Variants in SULT1C4 observed in about 807,000 individuals in gnomAD.
SULT1C4 encodes sulfotransferase 1C4.
In SULT1C4, 32 loss-of-function variants were observed where a neutral mutation model predicts 34.8. That is an observed-to-expected ratio of 0.92 (90% CI 0.69 to 1.23). The LOEUF (loss-of-function observed/expected upper bound fraction) is 1.23, where lower values mean the gene tolerates loss of function less well. Among genes scored for constraint, SULT1C4 ranks in the 50% most tolerant of loss-of-function variants. The probability of loss-of-function intolerance (pLI) is 0.00; values close to 1 mark genes in which losing one functional copy is unlikely to be tolerated. For missense variants in SULT1C4, 375 were observed against 365.9 expected (o/e 1.02, Z -0.20); for synonymous variants, 111 against 120.5 (o/e 0.92, Z 0.51).
chr2:108,382,313 G>T, intron 2 of SULT1C4, 72 bp from the exon 3 acceptor site: 1 of 1,191,620 alleles, frequency 8.4e-7, no homozygotes, highest in Admixed American at 1.7e-5. Flanking sequence ...TAGTAATAAT[G>T]GAAGCAGCAA....
intron 3 of SULT1C4, 42 bp from the exon 4 acceptor site, chr2:108,383,051 G>GT (rs774283866): frequency 2.7e-6 from 4 of 1,462,518 alleles, no homozygotes; most frequent in South Asian, 2.8e-5. Context: ...AAAAATTCCT[G>GT]TTTTTTTGCT....
Position 108,383,173 on chromosome 2 carries a change from T to C in SULT1C4, c.474T>C (p.Ala158=), listed in dbSNP as rs1251390459. The C allele has an allele frequency of 6.2e-7, 1 of 1,613,106 alleles. No individual in the cohort carries two copies. The highest frequency in any genetic ancestry group is 2.2e-5 in the East Asian group (1 of 44,872). ...HFQRMNKALP[A]PGTWEEYFET... ...AAAGAATGAATAAAGCTCTTCCTGC[T>C]CCAGGAACATGGGAAGAGTATTTTG... The change falls in exon 4 of 7, where the codon GCT becomes GCC. Residue 158 remains alanine, a synonymous_variant. Transcript: ENST00000272452.
chr2:108,378,449 A>C lies in SULT1C4; in HGVS notation c.112A>C (p.Ile38Leu). Residue 38 changes from isoleucine to leucine, a missense_variant, in exon 1 of 7, where the codon ATC becomes CTC. By Grantham distance (5) the Ile-to-Leu change is conservative. Coordinates refer to ENST00000272452, the MANE Select transcript of SULT1C4 (RefSeq NM_006588.4). Reference sequence around the variant, plus strand: ...AGACACCTGTGACATCTGGGATAAGATCTGGAACTTCCAAGCCAAGCCTGA... The same window carrying C: ...AGACACCTGTGACATCTGGGATAAGCTCTGGAACTTCCAAGCCAAGCCTGA... ...PTDTCDIWDKIWNFQAKPDDL... is the reference protein window; with the variant it reads ...PTDTCDIWDKLWNFQAKPDDL... The C allele has an allele frequency of 6.2e-7, 1 of 1,614,194 alleles. No homozygotes were observed. Among genetic ancestry groups the C allele is most frequent in the Non-Finnish European group, 8.5e-7 (1 of 1,180,026 alleles).
At position 108,381,754 on chromosome 2, in the gene SULT1C4, C is replaced by A; in HGVS notation, c.170-8C>A. On this transcript the variant is annotated splice_polypyrimidine_tract_variant and splice_region_variant and intron_variant, in intron 1 of 6. Coordinates refer to ENST00000272452, the MANE Select transcript of SULT1C4 (RefSeq NM_006588.4). ...TGTCTATTCATCTTCATTTTACGTGCACGTAAGGAACAACATGGACTCAGG... is the reference window on the plus strand; with the variant it reads ...TGTCTATTCATCTTCATTTTACGTGAACGTAAGGAACAACATGGACTCAGG... The A allele has an allele frequency of 7.3e-7, 1 of 1,375,804 alleles. No homozygotes were observed. The highest frequency in any genetic ancestry group is 9.4e-7 in the Non-Finnish European group (1 of 1,058,286). 85.2% of individuals were successfully genotyped at this position (1,375,804 alleles called of 1,614,324 possible).
chr2:108,380,686 T>G (rs1266260977), intron 1 of SULT1C4, among the ~76,000 whole-genome samples: 1 of 152,182 alleles, frequency 6.6e-6, no homozygotes, highest in Non-Finnish European at 1.5e-5. Flanking sequence ...AGACTGAAGC[T>G]GGGGGATACC....
chr2:108,387,428 T>C lies in SULT1C4; in HGVS notation c.905T>C (p.Phe302Ser), dbSNP rs1299225312. The C allele has an allele frequency of 2.5e-5, 40 of 1,604,802 alleles. No homozygotes were observed. The highest frequency in any genetic ancestry group is 3.3e-5 in the Non-Finnish European group (39 of 1,173,506). ...TDTRLTFHFQF is the reference protein window; with the variant it reads ...TDTRLTFHFQS The stretch of plus-strand genomic sequence containing the variant: ...ACCAGACTAACTTTCCACTTCCAGT[T>C]CTAGTAAGGAAGAAAAACTGAAAAT... The change falls in exon 7 of 7, where the codon TTC becomes TCC. Residue 302 changes from phenylalanine to serine, a missense_variant. Physicochemically the swap from Phe to Ser is radical, Grantham distance 155 (BLOSUM62 -2). Coordinates refer to ENST00000272452, the MANE Select transcript of SULT1C4 (RefSeq NM_006588.4).
chr2:108,386,313 A>G lies in SULT1C4; in HGVS notation c.737A>G (p.Asn246Ser), dbSNP rs748215141. ...FDVMKQNPMA[N>S]YSSIPAEIMD... ...GTCATGAAACAGAATCCAATGGCAA[A>G]CTATTCATCGATTCCTGCTGAAATC... is the stretch of plus-strand genomic sequence containing the variant. Residue 246 changes from asparagine to serine, a missense_variant, in exon 6 of 7, where the codon AAC (asparagine) becomes AGC (serine). Asn to Ser is a conservative substitution (Grantham distance 46, BLOSUM62 1). Coordinates refer to ENST00000272452, the MANE Select transcript of SULT1C4 (RefSeq NM_006588.4). The G allele has an allele frequency of 6.3e-6, 10 of 1,580,118 alleles. No individual in the cohort carries two copies.
At chr2:108,382,551 A>G in intron 3 of SULT1C4, 69 bp downstream of exon 3, 1 of 1,113,764 alleles carries the variant, frequency 9.0e-7, no homozygotes, top group Admixed American at 1.7e-5. Flanking sequence ...TCCTCTTAAA[A>G]CACTTCACTT....
intron 6 of SULT1C4, among the ~76,000 whole-genome samples, chr2:108,386,688 A>G (rs1458654432): frequency 6.6e-6 from 1 of 152,234 alleles, no homozygotes; most frequent in East Asian, 1.9e-4. Flanking sequence ...AGACAGTTCT[A>G]TGCTATCAGA....
At chr2:108,381,600 A>C (rs1469939436) in intron 1 of SULT1C4, among the ~76,000 whole-genome samples, 162 bp from the exon 2 acceptor site, 1 of 152,162 alleles carries the variant, frequency 6.6e-6, no homozygotes, top group African/African-American at 2.4e-5. Flanking sequence ...CCAAGATTGC[A>C]CCATTGAACT....
intron 1 of SULT1C4, among the ~76,000 whole-genome samples, chr2:108,379,133 G>A (rs536508353): frequency 6.6e-6 from 1 of 152,090 alleles, no homozygotes; most frequent in African/African-American, 2.4e-5. Context: ...AAATATTTTT[G>A]CATATCTACA....
chr2:108,388,859 C>T lies in SULT1C4; in HGVS notation c.*1427C>T, dbSNP rs781642051. The stretch of plus-strand genomic sequence containing the variant: ...CTTTCTACCTACCCAAGACATACCA[C>T]GTGCTTCAATAACCAGTCCCTTCCT... On this transcript the variant is annotated 3_prime_UTR_variant, in exon 7 of 7. Coordinates refer to ENST00000272452, the MANE Select transcript of SULT1C4 (RefSeq NM_006588.4). Among the ~76,000 whole-genome samples the T allele has an allele frequency of 5.9e-5, 9 of 152,120 alleles. No individual in the cohort carries two copies. Among genetic ancestry groups the T allele is most frequent in the Non-Finnish European group, 1.0e-4 (7 of 68,014 alleles).
chr2:108,381,827 C>A lies in SULT1C4; in HGVS notation c.235C>A (p.Arg79=). 1 of 1,496,106 alleles carries A rather than the reference C, an allele frequency of 6.7e-7. No homozygotes were observed. The highest frequency in any genetic ancestry group is 1.4e-5 in the South Asian group (1 of 69,418). 92.7% of individuals were successfully genotyped at this position (1,496,106 alleles called of 1,614,324 possible). Residue 79 remains arginine (R), a synonymous_variant, in exon 2 of 7, where the codon CGG becomes AGG. Coordinates refer to ENST00000272452, the MANE Select transcript of SULT1C4 (RefSeq NM_006588.4). ...QNEGDVEKSK[R]APTHQRFPFL... ...TGAAGGTGATGTGGAGAAAAGTAAA[C>A]GGGCACCGACTCATCAACGATTTCC...
intron 5 of SULT1C4, among the ~76,000 whole-genome samples, chr2:108,384,887 GC>G (rs1678530131): frequency 6.6e-6 from 1 of 152,176 alleles, no homozygotes; most frequent in South Asian, 2.1e-4. Context: ...ACTGGAGCCT[GC>G]TGTAGGCCTG....
At chr2:108,381,069 G>A (rs756992093) in intron 1 of SULT1C4, among the ~76,000 whole-genome samples, 2 of 152,150 alleles carry the variant, frequency 1.3e-5, no homozygotes, top group East Asian at 1.9e-4. Flanking sequence ...CCTACGCTAT[G>A]CAACTGGGAA....
chr2:108,378,516 AG>A lies in SULT1C4; in HGVS notation c.169+13del, dbSNP rs1678305434. 6.2e-7 allele frequency: 1 copy of A among 1,612,202 alleles called. No homozygotes were observed. The highest frequency in any genetic ancestry group is 8.5e-7 in the Non-Finnish European group (1 of 1,179,086). Reference sequence around the variant, plus strand: ...ACCTATCCTAAAGCAGGTAGGTGGAAGGGCTTGCAGGGGAAGGGGAAGAGGA... The same window carrying A: ...ACCTATCCTAAAGCAGGTAGGTGGAAGGCTTGCAGGGGAAGGGGAAGAGGA... On this transcript the variant is annotated intron_variant, in intron 1 of 6. Coordinates refer to ENST00000272452, the MANE Select transcript of SULT1C4 (RefSeq NM_006588.4).
chr2:108,386,466 A>G, intron 6 of SULT1C4, 94 bp downstream of exon 6: 6 of 954,106 alleles, frequency 6.3e-6, no homozygotes, highest in South Asian at 8.7e-5. Context: ...AGGAAAAATA[A>G]TATCTGTAAT....
intron 5 of SULT1C4, among the ~76,000 whole-genome samples, chr2:108,384,168 GTT>G (rs1477041681): frequency 6.6e-6 from 1 of 151,380 alleles, no homozygotes; most frequent in Non-Finnish European, 1.5e-5. Flanking sequence ...CATGCCCAGA[GTT>G]TTTGTTTTTT....
intron 6 of SULT1C4, 67 bp from the exon 7 acceptor site, chr2:108,387,253 C>T: frequency 1.7e-6 from 2 of 1,203,672 alleles, no homozygotes; most frequent in Non-Finnish European, 2.4e-6. Context: ...CATACAGAAA[C>T]AGGAGAATAG....
Sources: gnomAD v4.1 joint callset for allele counts (sites outside exome capture counted in the v4.1 genomes callset) on GRCh38, gnomAD v4.1.1 for gene constraint, MANE v1.5 for transcripts, NCBI Gene and HGNC (gene_info 2026-07-23, HGNC 2026-07-21) for gene names.